The following GREB1L variants were observed in gnomAD, a reference collection of about 807,000 sequenced individuals.
GREB1L encodes GREB1-like protein.
In GREB1L, 17 loss-of-function variants were observed where a neutral mutation model predicts 200.8. That is an observed-to-expected ratio of 0.08 (90% CI 0.06 to 0.13). The LOEUF (loss-of-function observed/expected upper bound fraction) is 0.13. Among genes scored for constraint, GREB1L ranks in the 10% least tolerant of loss-of-function variants. The probability of loss-of-function intolerance (pLI) is 1.00; values close to 1 mark genes in which losing one functional copy is unlikely to be tolerated. For missense variants in GREB1L, 1,657 were observed against 2,367.7 expected, an observed-to-expected ratio of 0.70 and a Z score of 6.23; for synonymous variants, 789 against 893.0, an observed-to-expected ratio of 0.88 and a Z score of 2.08.
At chr18:21,262,455 A>T (rs1173088106) in intron 1 of GREB1L, among the ~76,000 whole-genome samples, 1 of 152,092 alleles carries the variant, frequency 6.6e-6, no homozygotes, top group Non-Finnish European at 1.5e-5. Context: ...ACTTTATAAA[A>T]TTTTTTATAA....
rs972792748 is a variant in GREB1L at position 21,522,842 on chromosome 18, A to G, written c.*21A>G. On this transcript the variant is annotated 3_prime_UTR_variant, in exon 33 of 33. Coordinates refer to ENST00000424526, the MANE Select transcript of GREB1L (RefSeq NM_001142966.3). Reference sequence around the variant, plus strand: ...TATGAGCTTTTGAAGAGACCAAAACAGCAAAAAGATGCCTAGGTGGGATGG... The same window carrying G: ...TATGAGCTTTTGAAGAGACCAAAACGGCAAAAAGATGCCTAGGTGGGATGG... 3.9e-6 allele frequency: 6 copies of G among 1,526,970 alleles called. No homozygotes were observed. The African/African-American group carries it at 5.6e-5, about 14-fold the overall frequency. The allele number at this position is 1,526,970 out of a possible 1,614,324, so 94.6% of individuals were successfully genotyped here. A position where few individuals can be genotyped will look rare whatever the true frequency, so the allele number is the denominator to read the frequency against.
At chr18:21,352,997 C>T (rs1259535144) in intron 1 of GREB1L, among the ~76,000 whole-genome samples, 1 of 151,854 alleles carries the variant, frequency 6.6e-6, no homozygotes, top group Non-Finnish European at 1.5e-5. Flanking sequence ...CTGGCTAACA[C>T]GGTGAAACCC....
chr18:21,496,567 G>A lies in GREB1L; in HGVS notation c.3260G>A (p.Gly1087Glu), dbSNP rs2036552370. 1.3e-6 allele frequency: 2 copies of A among 1,551,614 alleles called. No individual in the cohort carries two copies. Among genetic ancestry groups the A allele is most frequent in the Non-Finnish European group, 8.7e-7 (1 of 1,147,010 alleles). The change falls in exon 21 of 33, where the codon GGA becomes GAA. Residue 1087 changes from glycine (G) to glutamate (E), a missense_variant. By Grantham distance (98) the Gly-to-Glu change is moderately conservative (BLOSUM62 -2). Transcript: ENST00000424526. ...CCYVSKEVIR[G>E]PTVALDLSGK... ...TATGTCTCAAAAGAGGTCATCCGGG[G>A]ACCCACTGTTGCCCTGGACCTCAGC...
At chr18:21,275,231 T>A (rs1205773938) in intron 1 of GREB1L, among the ~76,000 whole-genome samples, 3 of 150,302 alleles carry the variant, frequency 2.0e-5, no homozygotes, top group African/African-American at 7.3e-5. Context: ...AGAGTGAGAC[T>A]CTGTCTCTAA....
intron 16 of GREB1L, among the ~76,000 whole-genome samples, chr18:21,474,834 G>T (rs749117299): frequency 2.6e-5 from 4 of 152,114 alleles, no homozygotes; most frequent in African/African-American, 7.2e-5. Flanking sequence ...TTAAGATTCC[G>T]CTCCTTGTTA....
chr18:21,411,246 G>A lies in GREB1L; in HGVS notation c.832+7252G>A, dbSNP rs547810463. ...TTTTGAGACAGAGTCTCACTCTGTC[G>A]CCCAGGCTGGAGTGCAGTGGCGCCA... is the stretch of plus-strand genomic sequence containing the variant. On this transcript the variant is annotated intron_variant, in intron 7 of 32. Transcript: ENST00000424526. Among the ~76,000 whole-genome samples the A allele has an allele frequency of 3.5e-3, 523 of 150,054 alleles. 2 individuals carry two copies. The highest frequency in any genetic ancestry group is 7.1e-3 in the Admixed American group (107 of 15,030).
intron 7 of GREB1L, among the ~76,000 whole-genome samples, chr18:21,424,160 A>G (rs1375001371): frequency 6.6e-6 from 1 of 152,210 alleles, no homozygotes. Flanking sequence ...TCCGCTTACT[A>G]CAATGTTTTT....
intron 18 of GREB1L, 67 bp downstream of exon 18, chr18:21,485,820 G>A: frequency 8.1e-6 from 12 of 1,487,600 alleles, no homozygotes; most frequent in Non-Finnish European, 1.0e-5. Context: ...ATAGCCAAAA[G>A]CCTTTTGTGT....
intron 1 of GREB1L, among the ~76,000 whole-genome samples, chr18:21,364,405 C>G (rs2039628995): frequency 6.6e-6 from 1 of 151,820 alleles, no homozygotes; most frequent in South Asian, 2.1e-4. Context: ...TACAAAGTCC[C>G]TCCTGTGAAA....
At chr18:21,432,868 G>A (rs572159557) in intron 7 of GREB1L, among the ~76,000 whole-genome samples, 208 of 151,556 alleles carry the variant, frequency 1.4e-3, no homozygotes, top group African/African-American at 4.7e-3. Flanking sequence ...CACCACACCC[G>A]GCTAATTTTT....
At chr18:21,354,551 T>G (rs2039477742) in intron 1 of GREB1L, among the ~76,000 whole-genome samples, 1 of 152,210 alleles carries the variant, frequency 6.6e-6, no homozygotes, top group Non-Finnish European at 1.5e-5. Flanking sequence ...GAGTTTAGAA[T>G]ATAATAGGGA....
At chr18:21,419,617 T>G (rs1036858059) in intron 7 of GREB1L, among the ~76,000 whole-genome samples, 4 of 152,182 alleles carry the variant, frequency 2.6e-5, no homozygotes, top group African/African-American at 7.2e-5. Flanking sequence ...ATGCAGCTAA[T>G]TTTTGTATTT....
At chr18:21,486,684 T>A (rs1309600130) in intron 18 of GREB1L, among the ~76,000 whole-genome samples, 1 of 151,614 alleles carries the variant, frequency 6.6e-6, no homozygotes, top group Non-Finnish European at 1.5e-5. Flanking sequence ...TCTGAAAGAG[T>A]TTTTTTCCCT....
At chr18:21,253,249 ATT>A (rs66924517) in intron 1 of GREB1L, among the ~76,000 whole-genome samples, 29 of 127,118 alleles carry the variant, frequency 2.3e-4, no homozygotes, top group African/African-American at 2.4e-4. Context: ...TATTTCAAGA[ATT>A]TTTTTTTTTT....
intron 1 of GREB1L, among the ~76,000 whole-genome samples, chr18:21,251,202 T>G (rs187991063): frequency 3.5e-4 from 54 of 152,246 alleles, no homozygotes; most frequent in South Asian, 2.5e-3. Flanking sequence ...TTTTAAAAAT[T>G]TGAGGGCTGT....
Position 21,343,790 on chromosome 18 carries a change from C to T in GREB1L, c.-119-22237C>T, listed in dbSNP as rs186081277. Among the ~76,000 whole-genome samples the T allele has an allele frequency of 2.8e-5, 4 of 140,482 alleles. No homozygotes were observed. In the Admixed American group the frequency reaches 3.0e-4, roughly 11 times the overall value. 92.2% of individuals were successfully genotyped at this position (140,482 alleles called of 152,430 possible). Reference sequence around the variant, plus strand: ...TCGCTCTGTCACCCAGGCTGGAGTGCAGTGGCACTGTCTTGGCTCAGTGCA... The same window carrying T: ...TCGCTCTGTCACCCAGGCTGGAGTGTAGTGGCACTGTCTTGGCTCAGTGCA... On this transcript the variant is annotated intron_variant, in intron 1 of 32. Transcript: ENST00000424526.
intron 13 of GREB1L, 22 bp from the exon 14 acceptor site, chr18:21,452,058 CCTT>C: frequency 6.5e-7 from 1 of 1,549,608 alleles, no homozygotes; most frequent in South Asian, 1.2e-5. Flanking sequence ...TTCCTTGTAA[CCTT>C]CTTATCTCTA....
At chr18:21,452,411 G>A in intron 14 of GREB1L, 194 bp downstream of exon 14, 1 of 523,442 alleles carries the variant, frequency 1.9e-6, no homozygotes, top group Non-Finnish European at 3.3e-6. Context: ...TTTGTTCCTA[G>A]TAAAAGTCTT....
In GREB1L at chr18:21,495,732, A is replaced by T; in HGVS notation, c.3093A>T (p.Leu1031=). The change falls in exon 20 of 33, where the codon CTA becomes CTT. Residue 1031 remains leucine (L), a synonymous_variant. Coordinates refer to ENST00000424526, the MANE Select transcript of GREB1L (RefSeq NM_001142966.3). ...IPRTYQDLDG[L]PCIVILTGKD... is the part of the protein sequence containing the mutation. Reference sequence around the variant, plus strand: ...GGACATACCAAGATTTAGACGGTCTACCTTGTATTGTGATATTAACTGGCA... The same window carrying T: ...GGACATACCAAGATTTAGACGGTCTTCCTTGTATTGTGATATTAACTGGCA... 1.3e-6 allele frequency: 2 copies of T among 1,548,248 alleles called. No individual in the cohort carries two copies. Among genetic ancestry groups the T allele is most frequent in the Non-Finnish European group, 1.7e-6 (2 of 1,144,686 alleles).
Sources: allele counts gnomAD v4.1 joint callset (sites outside exome capture counted in the v4.1 genomes callset), GRCh38; gene constraint gnomAD v4.1.1; transcripts MANE v1.5; gene names NCBI Gene and HGNC (gene_info 2026-07-23, HGNC 2026-07-21).